The following CFAP43 variants were observed in gnomAD, a reference collection of about 807,000 sequenced individuals.
CFAP43 encodes the protein cilia- and flagella-associated protein 43.
In CFAP43, 155 loss-of-function variants were observed where a neutral mutation model predicts 218.9. The ratio of observed to expected loss-of-function variants is 0.71; its 90% CI spans 0.62 to 0.81. CFAP43 has a LOEUF of 0.81. CFAP43 is among the 30% of genes least tolerant of loss of function. CFAP43 has a pLI of 0.00. For synonymous variants in CFAP43, 645 were observed against 681.3 expected (o/e 0.95, Z 0.83); for missense variants, 1,778 against 1,954.3 (o/e 0.91, Z 1.70).
At chr10:104,174,656 T>C (rs1010538502) in intron 19 of CFAP43, among the ~76,000 whole-genome samples, 3 of 152,148 alleles carry the variant, frequency 2.0e-5, no homozygotes, top group African/African-American at 7.2e-5. Context: ...AAATTTAAAG[T>C]CACTTTCAGA....
chr10:104,154,647 T>C (rs2088445688), intron 27 of CFAP43, among the ~76,000 whole-genome samples: 1 of 152,180 alleles, frequency 6.6e-6, no homozygotes, highest in Non-Finnish European at 1.5e-5. Flanking sequence ...TGTCTACATG[T>C]CTTAGATCCA....
At chr10:104,192,123 T>A (rs902799280) in intron 12 of CFAP43, 76 bp downstream of exon 12, 6 of 1,143,410 alleles carry the variant, frequency 5.2e-6, no homozygotes, top group African/African-American at 4.8e-5. Context: ...ATATTCAATA[T>A]GAAAAGTCCA....
At position 104,130,021 on chromosome 10, in the gene CFAP43, G is replaced by A. The variant is rs1371254440; in HGVS notation, c.*118C>T. On this transcript the variant is annotated 3_prime_UTR_variant, in exon 38 of 38. Transcript: ENST00000357060. Reference sequence around the variant, plus strand: ...TTAAACAATTTTTTATCTAAAACATGCAACTCAGAGGACATGCTACTTCAA... The same window carrying A: ...TTAAACAATTTTTTATCTAAAACATACAACTCAGAGGACATGCTACTTCAA... 3 of 1,207,000 alleles carry A rather than the reference G, an allele frequency of 2.5e-6. No homozygotes were observed. Among genetic ancestry groups the A allele is most frequent in the African/African-American group, 1.6e-5 (1 of 63,272 alleles). 74.8% of individuals were successfully genotyped at this position (1,207,000 alleles called of 1,614,324 possible).
chr10:104,207,575 A>G, intron 6 of CFAP43, 90 bp downstream of exon 6: 3 of 1,274,992 alleles, frequency 2.4e-6, no homozygotes, highest in South Asian at 3.0e-5. Context: ...GGAGGATTCA[A>G]AGATGTCTCC....
intron 23 of CFAP43, among the ~76,000 whole-genome samples, chr10:104,165,487 AAAG>A (rs2089105993): frequency 2.0e-5 from 3 of 152,192 alleles, no homozygotes; most frequent in Admixed American, 2.0e-4. Flanking sequence ...TAGAGCATAA[AAAG>A]AAGAGGATAG....
chr10:104,184,888 T>C, intron 16 of CFAP43, 128 bp downstream of exon 16: 1 of 1,407,948 alleles, frequency 7.1e-7, no homozygotes, highest in Non-Finnish European at 9.4e-7. Flanking sequence ...GATCTGTGAG[T>C]ATAACAAACT....
intron 1 of CFAP43, 92 bp downstream of exon 1, chr10:104,232,090 C>G: frequency 6.9e-7 from 1 of 1,447,752 alleles, no homozygotes; most frequent in Non-Finnish European, 9.3e-7. Flanking sequence ...GGAAAGCCGC[C>G]CTAAGGAACC....
At chr10:104,142,196 A>T in intron 33 of CFAP43, 85 bp downstream of exon 33, 1 of 1,090,488 alleles carries the variant, frequency 9.2e-7, no homozygotes. Flanking sequence ...AGCAGTCAGT[A>T]GGCATTCTCC....
intron 31 of CFAP43, 99 bp from the exon 32 acceptor site, chr10:104,143,738 G>T: frequency 1.8e-6 from 2 of 1,139,890 alleles, no homozygotes; most frequent in Non-Finnish European, 2.5e-6. Flanking sequence ...ACATTGTATG[G>T]CTCTTCCCTT....
Position 104,130,242 on chromosome 10 carries a change from T to G in CFAP43, c.4895A>C (p.Lys1632Thr). 1.2e-6 allele frequency: 2 copies of G among 1,613,532 alleles called. No homozygotes were observed. Among genetic ancestry groups the G allele is most frequent in the Non-Finnish European group, 1.7e-6 (2 of 1,179,912 alleles). Residue 1632 changes from lysine to threonine, a missense_variant, in exon 38 of 38, where the codon AAG (lysine) becomes ACG (threonine). Coordinates refer to ENST00000357060, the MANE Select transcript of CFAP43 (RefSeq NM_025145.7). ...TTGTTGTTTTGAAATATTTGTTAAC[T>G]TCTGCTGTTGCATCATGTTTTCATA... is the stretch of plus-strand genomic sequence containing the variant. ...ERYENMMQQQKLTNISKQQAE... is the reference protein window; with the variant it reads ...ERYENMMQQQTLTNISKQQAE...
In CFAP43 at chr10:104,179,042, G is replaced by T; in HGVS notation, c.2447C>A (p.Ser816Ter). 6.2e-7 allele frequency: 1 copy of T among 1,612,420 alleles called. No individual in the cohort carries two copies. Among genetic ancestry groups the T allele is most frequent in the South Asian group, 1.1e-5 (1 of 90,960 alleles). Residue 816 changes from serine to a stop codon, truncating the protein, a stop_gained, in exon 19 of 38, where the codon TCA (serine) becomes TAA (stop). Transcript: ENST00000357060. LOFTEE classifies it high-confidence loss of function. ...KRKEIKQGIK[S>*]LSKTILNMME... ...TACAACACTTACAGTTTTGGAAAGT[G>T]ATTTGATTCCTTGTTTTATCTCTTT...
chr10:104,162,276 C>G, intron 25 of CFAP43, 41 bp downstream of exon 25: 2 of 1,563,170 alleles, frequency 1.3e-6, no homozygotes, highest in Non-Finnish European at 1.8e-6. Flanking sequence ...ATCCCTAAAG[C>G]AAAGAGGGTC....
intron 22 of CFAP43, 136 bp from the exon 23 acceptor site, chr10:104,166,854 A>G: frequency 1.4e-6 from 1 of 726,124 alleles, no homozygotes. Context: ...ATTCGAAGTG[A>G]TGAATAGATC....
chr10:104,134,564 T>C (rs2087348859), intron 34 of CFAP43, among the ~76,000 whole-genome samples: 1 of 151,986 alleles, frequency 6.6e-6, no homozygotes, highest in Non-Finnish European at 1.5e-5. Flanking sequence ...ACTACCAATA[T>C]TACAGAAATT....
At position 104,146,361 on chromosome 10, in the gene CFAP43, T is replaced by A; in HGVS notation, c.3769-12A>T. ...TCTGAAGTCTGGCTCTATAACAGCATCAGGAATAGTTGATTGAAACTGGAG... is the reference window on the plus strand; with the variant it reads ...TCTGAAGTCTGGCTCTATAACAGCAACAGGAATAGTTGATTGAAACTGGAG... On this transcript the variant is annotated splice_polypyrimidine_tract_variant and intron_variant, in intron 29 of 37. Transcript: ENST00000357060. 1 of 1,608,788 alleles carries A rather than the reference T, an allele frequency of 6.2e-7. No homozygotes were observed. The highest frequency in any genetic ancestry group is 1.3e-5 in the African/African-American group (1 of 74,918).
chr10:104,199,785 G>A (rs1430926711), intron 8 of CFAP43, among the ~76,000 whole-genome samples: 1 of 137,470 alleles, frequency 7.3e-6, no homozygotes, highest in East Asian at 2.1e-4. Context: ...GAGTGGTTAA[G>A]TTAAATATTA....
chr10:104,230,723 C>G lies in CFAP43; in HGVS notation c.186G>C (p.Gln62His). The G allele has an allele frequency of 6.2e-7, 1 of 1,614,092 alleles. No homozygotes were observed. The highest frequency in any genetic ancestry group is 1.1e-5 in the South Asian group (1 of 91,080). Residue 62 changes from glutamine to histidine, a missense_variant, in exon 2 of 38, where the codon CAG (glutamine) becomes CAC (histidine). Coordinates refer to ENST00000357060, the MANE Select transcript of CFAP43 (RefSeq NM_025145.7). ...NIETKKKTVL[Q>H]CSNGIVGVMA... is the part of the protein sequence containing the mutation. ...TGACGCCCACAATTCCATTACTACA[C>G]TGCAGTACAGTCTTTTTCTTGGTTT...
chr10:104,174,500 C>T (rs2089536970), intron 19 of CFAP43, among the ~76,000 whole-genome samples: 1 of 152,170 alleles, frequency 6.6e-6, no homozygotes, highest in African/African-American at 2.4e-5. Context: ...CAGGTCCCTT[C>T]CACAACACAT....
chr10:104,194,979 G>A (rs1346459059), intron 10 of CFAP43, among the ~76,000 whole-genome samples: 1 of 152,170 alleles, frequency 6.6e-6, no homozygotes, highest in African/African-American at 2.4e-5. Context: ...GGAAGTGTGT[G>A]TATATGTGTA....
Sources: gnomAD v4.1 joint callset for allele counts (sites outside exome capture counted in the v4.1 genomes callset) on GRCh38, gnomAD v4.1.1 for gene constraint, MANE v1.5 for transcripts, NCBI Gene and HGNC (gene_info 2026-07-23, HGNC 2026-07-21) for gene names.